The following STOX2 variants were observed in gnomAD, a reference collection of about 807,000 sequenced individuals.
STOX2 encodes the protein storkhead box 2, also known as storkhead-box protein 2.
STOX2 carries 28 observed loss-of-function variants against 60.9 expected under a neutral mutation model. That is an observed-to-expected ratio of 0.46 (90% CI 0.34 to 0.63). The LOEUF (loss-of-function observed/expected upper bound fraction) is 0.63, where lower values mean the gene tolerates loss of function less well. STOX2 is among the 30% of genes least tolerant of loss of function. The pLI, the probability that STOX2 is intolerant of heterozygous loss-of-function variation, is 0.01. For synonymous variants in STOX2, 472 were observed against 463.9 expected, an observed-to-expected ratio of 1.02 and a Z score of -0.22; for missense variants, 1,024 against 1,187.7, an observed-to-expected ratio of 0.86 and a Z score of 2.03.
chr4:183,813,663 G>A (rs1290402009), intron 1 of STOX2, among the ~76,000 whole-genome samples: 1 of 152,128 alleles, frequency 6.6e-6, no homozygotes, highest in African/African-American at 2.4e-5. Flanking sequence ...CTTTGAGGGT[G>A]GAGACTATAA....
intron 1 of STOX2, among the ~76,000 whole-genome samples, chr4:183,982,428 G>T (rs1732689557): frequency 6.6e-6 from 1 of 152,146 alleles, no homozygotes; most frequent in Non-Finnish European, 1.5e-5. Context: ...GGGCTATAAA[G>T]GCCCTAAAAA....
At chr4:184,015,366 C>T (rs1734324129) in intron 3 of STOX2, 1 of 152,172 alleles carries the variant, frequency 6.6e-6, no homozygotes, top group South Asian at 2.1e-4. Flanking sequence ...TCACACTTTC[C>T]CTTTTAGTGA....
At chr4:183,897,178 T>C (rs1177394965) in intron 1 of STOX2, among the ~76,000 whole-genome samples, 1 of 152,224 alleles carries the variant, frequency 6.6e-6, no homozygotes, top group Non-Finnish European at 1.5e-5. Flanking sequence ...ATTCCTACTC[T>C]TTTCCTCAAC....
intron 1 of STOX2, among the ~76,000 whole-genome samples, chr4:183,864,396 T>C (rs983011055): frequency 2.0e-5 from 3 of 152,094 alleles, no homozygotes; most frequent in African/African-American, 7.2e-5. Context: ...AAATGGACTA[T>C]TTATTTATTT....
intron 1 of STOX2, among the ~76,000 whole-genome samples, chr4:183,993,939 G>GT: frequency 6.6e-6 from 1 of 152,114 alleles, no homozygotes; most frequent in Non-Finnish European, 1.5e-5. Context: ...AAGTATGTGG[G>GT]TTTTTTTAGA....
chr4:183,919,687 C>A (rs1239925270), intron 1 of STOX2, among the ~76,000 whole-genome samples: 1 of 152,116 alleles, frequency 6.6e-6, no homozygotes, highest in Admixed American at 6.5e-5. Flanking sequence ...CTCACTGCAA[C>A]CTCTACCTCC....
chr4:183,976,321 C>CA (rs201312998), intron 1 of STOX2, among the ~76,000 whole-genome samples: 4,361 of 147,662 alleles, frequency 0.03, 201 homozygotes, highest in African/African-American at 0.1. Context: ...CAAAAACAAA[C>CA]AAAAAAAAAG....
intron 1 of STOX2, among the ~76,000 whole-genome samples, chr4:183,888,954 AAC>A (rs2111180258): frequency 6.6e-6 from 1 of 152,142 alleles, no homozygotes; most frequent in East Asian, 1.9e-4. Flanking sequence ...CTGTCAGGAA[AAC>A]ACAGTTACCC....
At chr4:183,969,353 C>T (rs73008334) in intron 1 of STOX2, among the ~76,000 whole-genome samples, 6,887 of 152,162 alleles carry the variant, frequency 0.045, 175 homozygotes, top group Admixed American at 0.068. Flanking sequence ...TGATAGCTTT[C>T]GCAAATTTAG....
chr4:183,850,944 GGATGAGGGAAAC>G (rs1454729284), intron 1 of STOX2, among the ~76,000 whole-genome samples: 6 of 30,560 alleles, frequency 2.0e-4, no homozygotes, highest in Non-Finnish European at 3.3e-4. Context: ...ATGAGGGAAA[GGATGAGGGAAAC>G]GATGAGGGAA....
At chr4:183,809,013 G>A (rs1431020658) in intron 1 of STOX2, among the ~76,000 whole-genome samples, 1 of 152,202 alleles carries the variant, frequency 6.6e-6, no homozygotes, top group Non-Finnish European at 1.5e-5. Flanking sequence ...GTTTTCATCT[G>A]TACGCATTGT....
intron 1 of STOX2, among the ~76,000 whole-genome samples, chr4:183,859,550 T>C (rs1740381793): frequency 6.6e-6 from 1 of 152,082 alleles, no homozygotes; most frequent in Non-Finnish European, 1.5e-5. Flanking sequence ...TGGTGTGGCT[T>C]GGCATGACAG....
chr4:184,010,903 A>G lies in STOX2; in HGVS notation c.2065A>G (p.Ser689Gly), dbSNP rs1579550993. Residue 689 changes from serine (S) to glycine (G), a missense_variant, in exon 3 of 4, where the codon AGC (serine) becomes GGC (glycine). This residue lies in a region of STOX2 where 922 missense variants were observed against 1,058.3 expected (regional missense o/e 0.87). Transcript: ENST00000308497. This position sits in a 1 kb window ranked among gnomAD's most constrained non-coding sequence, Gnocchi z 4.5. ...RLVQHHGAEP[S>G]SLDKRKEIFS... ...CGTCCAGCACCATGGTGCCGAGCCC[A>G]GCAGCTTGGACAAGAGGAAAGAGAT... The G allele has an allele frequency of 6.2e-7, 1 of 1,613,158 alleles. No homozygotes were observed. Among genetic ancestry groups the G allele is most frequent in the Non-Finnish European group, 8.5e-7 (1 of 1,179,526 alleles).
At chr4:183,864,840 C>A (rs1197457605) in intron 1 of STOX2, among the ~76,000 whole-genome samples, 1 of 152,362 alleles carries the variant, frequency 6.6e-6, no homozygotes, top group East Asian at 1.9e-4. Context: ...ACTACCACTT[C>A]ACTTATCCGT....
chr4:183,987,228 A>G (rs1432577910), intron 1 of STOX2, among the ~76,000 whole-genome samples: 1 of 151,670 alleles, frequency 6.6e-6, no homozygotes, highest in Non-Finnish European at 1.5e-5. Flanking sequence ...TACTCCTTCC[A>G]TTGTGTTCTC....
intron 1 of STOX2, among the ~76,000 whole-genome samples, chr4:183,915,972 G>A (rs536171561): frequency 3.3e-5 from 5 of 152,382 alleles, no homozygotes; most frequent in South Asian, 2.1e-4. Context: ...GGCAGGCAGC[G>A]CCCGCATTCT....
intron 1 of STOX2, among the ~76,000 whole-genome samples, chr4:183,826,109 C>T (rs1739425320): frequency 6.6e-6 from 1 of 152,144 alleles, no homozygotes; most frequent in South Asian, 2.1e-4. Context: ...GCTCAGCAGA[C>T]CAGGAGTGGG....
intron 1 of STOX2, among the ~76,000 whole-genome samples, chr4:183,963,528 A>T (rs1428276528): frequency 1.3e-5 from 2 of 148,946 alleles, no homozygotes; most frequent in African/African-American, 5.0e-5. Flanking sequence ...CTGGGTTCAA[A>T]CGATTCTCAT....
Position 183,806,732 on chromosome 4 carries a change from G to T in STOX2, c.364+8677G>T, listed in dbSNP as rs754993451. 6.6e-6 allele frequency among the ~76,000 whole-genome samples: 1 copy of T among 152,184 alleles called. No homozygotes were observed. ...TCTTTTCAAACCATTGCAACAAAAG[G>T]TTATGATGACACCTCTGCCTTTCTA... is the stretch of plus-strand genomic sequence containing the variant. On this transcript the variant is annotated intron_variant, in intron 1 of 2. Transcript: ENST00000513034. The surrounding 1 kb of genome is among the most constrained non-coding windows in gnomAD (Gnocchi z 4.1).
Sources: gnomAD v4.1 joint callset for allele counts (sites outside exome capture counted in the v4.1 genomes callset) on GRCh38, gnomAD v4.1.1 for gene constraint, gnomAD v4.1.1 regional missense constraint, Gnocchi (gnomAD v3.1) non-coding constraint, MANE v1.5 for transcripts, NCBI Gene and HGNC (gene_info 2026-07-23, HGNC 2026-07-21) for gene names.